The following TLL2 variants were observed in gnomAD, a reference collection of about 807,000 sequenced individuals.
The protein encoded by TLL2 is tolloid-like protein 2.
TLL2 carries 106 observed loss-of-function variants against 123.0 expected under a neutral mutation model. That is an observed-to-expected ratio of 0.86 (90% confidence interval 0.74 to 1.01). TLL2 has a LOEUF of 1.01. Among genes scored for constraint, TLL2 ranks in the 50% least tolerant of loss-of-function variants. The pLI, the probability that TLL2 is intolerant of heterozygous loss-of-function variation, is 0.00. For missense variants in TLL2, 1,332 were observed against 1,336.7 expected, an observed-to-expected ratio of 1.00 and a Z score of 0.06; for synonymous variants, 494 against 516.8, an observed-to-expected ratio of 0.96 and a Z score of 0.60.
At chr10:96,479,927 C>A (rs1847295041) in intron 2 of TLL2, among the ~76,000 whole-genome samples, 1 of 152,224 alleles carries the variant, frequency 6.6e-6, no homozygotes, top group Non-Finnish European at 1.5e-5. Flanking sequence ...AGACACCACA[C>A]ACAAGTGCCC....
At position 96,440,399 on chromosome 10, in the gene TLL2, G is replaced by A. The variant is rs535352311; in HGVS notation, c.364+5692C>T. On this transcript the variant is annotated intron_variant, in intron 3 of 20. Coordinates refer to ENST00000357947, the MANE Select transcript of TLL2 (RefSeq NM_012465.4). ...CAACAGTCCAAACAACTCTGTGTTG[G>A]AAACCTCTCCAAAATGTTGGCAACA... is the stretch of plus-strand genomic sequence containing the variant. 9.6e-4 allele frequency among the ~76,000 whole-genome samples: 146 copies of A among 152,298 alleles called. No individual in the cohort carries two copies. In the Middle Eastern group the frequency reaches 0.014, roughly 14 times the overall value.
chr10:96,446,155 C>G lies in TLL2; in HGVS notation c.300G>C (p.Glu100Asp). The G allele has an allele frequency of 6.2e-7, 1 of 1,614,118 alleles. No homozygotes were observed. Among genetic ancestry groups the G allele is most frequent in the Non-Finnish European group, 8.5e-7 (1 of 1,180,018 alleles). Residue 100 changes from glutamate (E) to aspartate (D), a missense_variant, in exon 3 of 21, where the codon GAG becomes GAC. By Grantham distance (45) the Glu-to-Asp change is conservative. Transcript: ENST00000357947. Reference protein sequence around the residue: ...ATGHSTGGLEEQASESSPDTT... With the variant: ...ATGHSTGGLEDQASESSPDTT... ...TGTCTGGGCTGCTCTCAGATGCCTG[C>G]TCTTCAAGCCCACCTAGAGGAATGG...
chr10:96,506,201 G>A (rs1199795468), intron 1 of TLL2, among the ~76,000 whole-genome samples: 1 of 129,220 alleles, frequency 7.7e-6, no homozygotes, highest in Non-Finnish European at 1.6e-5. Context: ...GTAGCGAGCT[G>A]AGATCGTGCC....
chr10:96,417,513 G>C (rs1846574492), intron 7 of TLL2, among the ~76,000 whole-genome samples: 1 of 152,210 alleles, frequency 6.6e-6, no homozygotes, highest in South Asian at 2.1e-4. Context: ...AAGAGGTGGA[G>C]TCTATTTCTC....
chr10:96,437,688 C>G (rs987797626), intron 3 of TLL2, among the ~76,000 whole-genome samples: 3 of 152,166 alleles, frequency 2.0e-5, no homozygotes, highest in African/African-American at 4.8e-5. Flanking sequence ...TCTTCTCACT[C>G]AGCATAATTC....
chr10:96,474,223 T>C (rs1414120725), intron 2 of TLL2, among the ~76,000 whole-genome samples: 1 of 151,900 alleles, frequency 6.6e-6, no homozygotes, highest in Admixed American at 6.6e-5. Context: ...CCCACACACA[T>C]CCAAAATGCG....
At chr10:96,385,029 C>T (rs538108664) in intron 15 of TLL2, among the ~76,000 whole-genome samples, 1 of 152,308 alleles carries the variant, frequency 6.6e-6, no homozygotes, top group Middle Eastern at 3.4e-3. Flanking sequence ...GTAATTGTAG[C>T]CTTGCTTTAA....
chr10:96,486,731 A>T (rs1192299928), intron 1 of TLL2, among the ~76,000 whole-genome samples: 4 of 152,154 alleles, frequency 2.6e-5, no homozygotes, highest in Non-Finnish European at 5.9e-5. Context: ...TGTAGAGAGC[A>T]CCCCTGGGAA....
chr10:96,456,161 G>A (rs544635816), intron 2 of TLL2, among the ~76,000 whole-genome samples: 33 of 152,260 alleles, frequency 2.2e-4, no homozygotes, highest in East Asian at 1.5e-3. Flanking sequence ...TGACTCTACC[G>A]ATAGCCTTTA....
At chr10:96,475,557 G>A (rs964523220) in intron 2 of TLL2, among the ~76,000 whole-genome samples, 7 of 152,180 alleles carry the variant, frequency 4.6e-5, no homozygotes, top group African/African-American at 1.7e-4. Context: ...GAGGCTGACT[G>A]GGTCACCTCT....
intron 11 of TLL2, among the ~76,000 whole-genome samples, chr10:96,396,929 C>T (rs1846348320): frequency 1.3e-5 from 2 of 152,204 alleles, no homozygotes; most frequent in African/African-American, 4.8e-5. Flanking sequence ...AAGCCGACTC[C>T]TCAGCTGGCC....
chr10:96,408,113 C>T (rs1031998167), intron 9 of TLL2, among the ~76,000 whole-genome samples: 1 of 152,240 alleles, frequency 6.6e-6, no homozygotes, highest in African/African-American at 2.4e-5. Context: ...CCACACCGTG[C>T]TCATATTCAG....
intron 1 of TLL2, among the ~76,000 whole-genome samples, chr10:96,511,977 C>A (rs781648300): frequency 2.6e-5 from 4 of 152,198 alleles, no homozygotes; most frequent in Non-Finnish European, 5.9e-5. Flanking sequence ...TGAATTAGGT[C>A]CCATAAGGAA....
At chr10:96,368,630 T>G (rs955171839) in intron 20 of TLL2, among the ~76,000 whole-genome samples, 4 of 152,166 alleles carry the variant, frequency 2.6e-5, no homozygotes, top group African/African-American at 9.7e-5. Context: ...CTTCTGACAG[T>G]AAAGGATGCA....
intron 1 of TLL2, among the ~76,000 whole-genome samples, chr10:96,496,607 C>A (rs1847478456): frequency 6.6e-6 from 1 of 152,190 alleles, no homozygotes; most frequent in Non-Finnish European, 1.5e-5. Context: ...TCCTGCCTCG[C>A]CTCCTCATCT....
At chr10:96,476,240 A>ATATATATATATATATATATTTT in intron 2 of TLL2, among the ~76,000 whole-genome samples, 4 of 20,496 alleles carry the variant, frequency 2.0e-4, no homozygotes, top group Non-Finnish European at 4.0e-4. Context: ...ATATATATAT[A>ATATATATATATATATATATTTT]TTTTATTTTT....
At chr10:96,436,427 AC>A (rs1846795442) in intron 3 of TLL2, among the ~76,000 whole-genome samples, 1 of 152,192 alleles carries the variant, frequency 6.6e-6, no homozygotes, top group Non-Finnish European at 1.5e-5. Flanking sequence ...TATTCCACTT[AC>A]AAAAATTTTT....
rs973475328 is a variant in TLL2, at chr10:96,513,644, C to T, written c.42G>A (p.Leu14=). The T allele has an allele frequency of 7.5e-6, 12 of 1,590,554 alleles. No individual in the cohort carries two copies. Among genetic ancestry groups the T allele is most frequent in the Non-Finnish European group, 9.4e-6 (11 of 1,174,732 alleles). Residue 14 remains leucine (L), a synonymous_variant, in exon 1 of 21, where the codon CTG becomes CTA. Coordinates refer to ENST00000357947, the MANE Select transcript of TLL2 (RefSeq NM_012465.4). ...CGCCGCGAGGCAGCGGCAGCAGCAG[C>T]AGCAGTGACACCAGGGCCCCAAGTG... ...ATALGALVSL[L]LLLPLPRGAG...
chr10:96,395,152 G>C (rs769752217), intron 13 of TLL2, 35 bp downstream of exon 13: 2 of 1,557,422 alleles, frequency 1.3e-6, no homozygotes, highest in Non-Finnish European at 1.7e-6. Context: ...ATTTCTTCTT[G>C]TGCCTAAAAG....
Sources: allele counts gnomAD v4.1 joint callset (sites outside exome capture counted in the v4.1 genomes callset), GRCh38; gene constraint gnomAD v4.1.1; transcripts MANE v1.5; gene names NCBI Gene and HGNC (gene_info 2026-07-23, HGNC 2026-07-21).